The following PROB1 variants were observed in gnomAD, a reference collection of about 807,000 sequenced individuals.
PROB1 encodes the protein proline-rich basic protein 1.
For synonymous variants in PROB1, 660 were observed against 699.3 expected, an observed-to-expected ratio of 0.94 and a Z score of 0.89; for missense variants, 1,453 against 1,485.7, an observed-to-expected ratio of 0.98 and a Z score of 0.36.
rs1427652936 is a variant in PROB1, at chr5:139,394,893, C to G, written c.189G>C (p.Arg63=). 2 of 1,511,626 alleles carry G rather than the reference C, an allele frequency of 1.3e-6. No individual in the cohort carries two copies. Among genetic ancestry groups the G allele is most frequent in the African/African-American group, 1.5e-5 (1 of 68,710 alleles). The allele number at this position is 1,511,626 out of a possible 1,614,324, so 93.6% of individuals were successfully genotyped here. Residue 63 remains arginine, a synonymous_variant, in exon 1 of 1, where the codon CGG becomes CGC. Transcript: ENST00000434752. ...PANWPWVAPG[R]GAGAQPRLSV... is the part of the protein sequence containing the mutation. The stretch of plus-strand genomic sequence containing the variant: ...ACAGGCGAGGCTGCGCGCCCGCCCC[C>G]CGCCCAGGAGCCACCCAGGGCCAAT...
Position 139,392,175 on chromosome 5 carries a change from G to T in PROB1, c.2907C>A (p.Val969=). 7.1e-7 allele frequency: 1 copy of T among 1,408,040 alleles called. No homozygotes were observed. The highest frequency in any genetic ancestry group is 9.3e-7 in the Non-Finnish European group (1 of 1,075,810). 87.2% of individuals were successfully genotyped at this position (1,408,040 alleles called of 1,614,324 possible). A position where few individuals can be genotyped will look rare whatever the true frequency, so the allele number is the denominator to read the frequency against. Residue 969 remains valine, a synonymous_variant, in exon 1 of 1, where the codon GTC becomes GTA. Coordinates refer to ENST00000434752, the MANE Select transcript of PROB1 (RefSeq NM_001161546.2). This position sits in a 1 kb window ranked among gnomAD's most constrained non-coding sequence, Gnocchi z 5.8. ...TCCCGTCCAGGGGCCCTGCCTCAGA[G>T]ACCCAGGGTAGCTGGGGGCTGCCGA... is the stretch of plus-strand genomic sequence containing the variant. ...QALGSPQLPW[V]SEAGPLDGTY...
Position 139,392,433 on chromosome 5 carries a change from C to A in PROB1, c.2649G>T (p.Leu883Phe). The A allele has an allele frequency of 1.4e-6, 2 of 1,464,734 alleles. No homozygotes were observed. The highest frequency in any genetic ancestry group is 1.8e-6 in the Non-Finnish European group (2 of 1,109,424). 90.7% of individuals were successfully genotyped at this position (1,464,734 alleles called of 1,614,324 possible). A position where few individuals can be genotyped will look rare whatever the true frequency, so the allele number is the denominator to read the frequency against. The change falls in exon 1 of 1, where the codon TTG becomes TTT. Residue 883 changes from leucine (L) to phenylalanine (F), a missense_variant. Transcript: ENST00000434752. The surrounding 1 kb of genome is among the most constrained non-coding windows in gnomAD (Gnocchi z 5.8). ...AGTAGCGGCCGCTCTCGGGGTCCAC[C>A]AAGACCTTCCCCAGGGGCGCGGCCC... ...QPGAAPLGKVLVDPESGRYYF... is the reference protein window; with the variant it reads ...QPGAAPLGKVFVDPESGRYYF...
rs1195254139 is a variant in PROB1 at position 139,392,367 on chromosome 5, G to C, written c.2715C>G (p.Leu905=). 2.0e-6 allele frequency: 3 copies of C among 1,527,168 alleles called. No individual in the cohort carries two copies. The Admixed American group carries it at 6.1e-5, about 31-fold the overall frequency. 94.6% of individuals were successfully genotyped at this position (1,527,168 alleles called of 1,614,324 possible). A position where few individuals can be genotyped will look rare whatever the true frequency, so the allele number is the denominator to read the frequency against. ...EAPRQPRLRV[L]FDPESGQYVE... ...CGTACTGCCCACTCTCAGGGTCGAAGAGCACCCGCAGCCGAGGCTGCCGCG... is the reference window on the plus strand; with the variant it reads ...CGTACTGCCCACTCTCAGGGTCGAACAGCACCCGCAGCCGAGGCTGCCGCG... The change falls in exon 1 of 1, where the codon CTC becomes CTG. Residue 905 remains leucine (L), a synonymous_variant. Coordinates refer to ENST00000434752, the MANE Select transcript of PROB1 (RefSeq NM_001161546.2). This position sits in a 1 kb window ranked among gnomAD's most constrained non-coding sequence, Gnocchi z 5.8.
Position 139,394,141 on chromosome 5 carries a change from G to C in PROB1, c.941C>G (p.Pro314Arg). 1 of 1,546,118 alleles carries C rather than the reference G, an allele frequency of 6.5e-7. No individual in the cohort carries two copies. Among genetic ancestry groups the C allele is most frequent in the South Asian group, 1.2e-5 (1 of 83,844 alleles). Reference protein sequence around the residue: ...DNSAPAKAPRPWPSLRERAIR... With the variant: ...DNSAPAKAPRRWPSLRERAIR... ...CGCGCGCTCGCGGAGGCTGGGCCAC[G>C]GCCTCGGGGCCTTGGCGGGGGCCGA... is the stretch of plus-strand genomic sequence containing the variant. The change falls in exon 1 of 1, where the codon CCG (proline) becomes CGG (arginine). Residue 314 changes from proline (P) to arginine (R), a missense_variant. Physicochemically the swap from Pro to Arg is moderately radical, Grantham distance 103 (BLOSUM62 -2). Transcript: ENST00000434752.
rs1267436321 is a variant in PROB1 at position 139,394,162 on chromosome 5, G to A, written c.920C>T (p.Ala307Val). 1.9e-6 allele frequency: 3 copies of A among 1,546,134 alleles called. No individual in the cohort carries two copies. Among genetic ancestry groups the A allele is most frequent in the Admixed American group, 2.0e-5 (1 of 50,538 alleles). ...SRPLRVRDNS[A>V]PAKAPRPWPS... The stretch of plus-strand genomic sequence containing the variant: ...CCACGGCCTCGGGGCCTTGGCGGGG[G>A]CCGAATTATCTCGTACGCGAAGTGG... Residue 307 changes from alanine to valine, a missense_variant, in exon 1 of 1, where the codon GCC becomes GTC. Transcript: ENST00000434752.
Position 139,392,895 on chromosome 5 carries a change from C to T in PROB1, c.2187G>A (p.Lys729=). The T allele has an allele frequency of 6.5e-7, 1 of 1,543,944 alleles. No homozygotes were observed. The highest frequency in any genetic ancestry group is 8.7e-7 in the Non-Finnish European group (1 of 1,143,376). ...CCCCAGGCAGGCGGATCTCTGTGCG[C>T]TTGAAGGGCTTCGCCGTGCTGTTCT... ...RAENSTAKPF[K]RTEIRLPGAL... The change falls in exon 1 of 1, where the codon AAG becomes AAA. Residue 729 remains lysine, a synonymous_variant. Transcript: ENST00000434752. This position sits in a 1 kb window ranked among gnomAD's most constrained non-coding sequence, Gnocchi z 5.8.
At position 139,395,074 on chromosome 5, in the gene PROB1, G is replaced by C. The variant is rs910099731; in HGVS notation, c.8C>G (p.Thr3Ser). The C allele has an allele frequency of 7.1e-7, 1 of 1,405,288 alleles. No individual in the cohort carries two copies. Among genetic ancestry groups the C allele is most frequent in the African/African-American group, 1.5e-5 (1 of 65,254 alleles). 87.1% of individuals were successfully genotyped at this position (1,405,288 alleles called of 1,614,324 possible). ML[T>S]ALAPPALPGI... ...AGGCAGGGCTGGCGGGGCGAGCGCG[G>C]TCAGCATGGTGGGGCCGGACGCCGT... The change falls in exon 1 of 1, where the codon ACC becomes AGC. Residue 3 changes from threonine (T) to serine (S), a missense_variant. Transcript: ENST00000434752.
In PROB1 at chr5:139,393,087, C is replaced by A. The variant is rs1463268235; in HGVS notation, c.1995G>T (p.Thr665=). 1.2e-5 allele frequency: 18 copies of A among 1,524,780 alleles called. No individual in the cohort carries two copies. The highest frequency in any genetic ancestry group is 4.3e-5 in the Admixed American group (2 of 46,872). 94.5% of individuals were successfully genotyped at this position (1,524,780 alleles called of 1,614,324 possible). A position where few individuals can be genotyped will look rare whatever the true frequency, so the allele number is the denominator to read the frequency against. Residue 665 remains threonine, a synonymous_variant, in exon 1 of 1, where the codon ACG becomes ACT. Coordinates refer to ENST00000434752, the MANE Select transcript of PROB1 (RefSeq NM_001161546.2). ...GGGGCCCCAGTGCTGGCGGCTCTTG[C>A]GTCTTGGATTCGCCGCCCTCCTCCC... is the stretch of plus-strand genomic sequence containing the variant. The part of the protein sequence containing the change: ...PCGEEGGESK[T]QEPPALGPPA...
Position 139,394,493 on chromosome 5 carries a change from C to T in PROB1, c.589G>A (p.Ala197Thr). Reference protein sequence around the residue: ...ECVEVALEEGAAPARPRTVPK... With the variant: ...ECVEVALEEGTAPARPRTVPK... ...ACTGTCCGGGGCCTGGCGGGCGCGG[C>T]GCCCTCCTCCAGAGCCACCTCCACA... Residue 197 changes from alanine (A) to threonine (T), a missense_variant, in exon 1 of 1, where the codon GCC (alanine) becomes ACC (threonine). Transcript: ENST00000434752. The T allele has an allele frequency of 7.0e-7, 1 of 1,422,590 alleles. No homozygotes were observed. The allele number at this position is 1,422,590 out of a possible 1,614,324, so 88.1% of individuals were successfully genotyped here.
chr5:139,394,979 A>G lies in PROB1; in HGVS notation c.103T>C (p.Tyr35His). ...QDSSGSSGSY[Y>H]TAPGSPEPPD... ...GGCTCCGGAGAACCTGGAGCCGTGTAGTAGGAGCCTGACGAACCGGAGGAG... is the reference window on the plus strand; with the variant it reads ...GGCTCCGGAGAACCTGGAGCCGTGTGGTAGGAGCCTGACGAACCGGAGGAG... The change falls in exon 1 of 1, where the codon TAC (tyrosine) becomes CAC (histidine). Residue 35 changes from tyrosine to histidine, a missense_variant. Coordinates refer to ENST00000434752, the MANE Select transcript of PROB1 (RefSeq NM_001161546.2). 2 of 1,510,580 alleles carry G rather than the reference A, an allele frequency of 1.3e-6. No homozygotes were observed. Among genetic ancestry groups the G allele is most frequent in the Non-Finnish European group, 1.8e-6 (2 of 1,131,588 alleles). The allele number at this position is 1,510,580 out of a possible 1,614,324, so 93.6% of individuals were successfully genotyped here. A position where few individuals can be genotyped will look rare whatever the true frequency, so the allele number is the denominator to read the frequency against.
chr5:139,394,690 G>A lies in PROB1; in HGVS notation c.392C>T (p.Ala131Val). Residue 131 changes from alanine to valine, a missense_variant, in exon 1 of 1, where the codon GCG becomes GTG. By Grantham distance (64) the Ala-to-Val change is moderately conservative. Coordinates refer to ENST00000434752, the MANE Select transcript of PROB1 (RefSeq NM_001161546.2). ...FGCSGADDRE[A>V]QQQFTEPAFI... Reference sequence around the variant, plus strand: ...GGCCGGCTCCGTGAACTGTTGTTGCGCCTCGCGATCGTCTGCGCCGGAGCA... The same window carrying A: ...GGCCGGCTCCGTGAACTGTTGTTGCACCTCGCGATCGTCTGCGCCGGAGCA... 1.3e-6 allele frequency: 2 copies of A among 1,533,900 alleles called. No individual in the cohort carries two copies. Among genetic ancestry groups the A allele is most frequent in the African/African-American group, 1.4e-5 (1 of 72,008 alleles).
Position 139,394,931 on chromosome 5 carries a change from T to C in PROB1, c.151A>G (p.Lys51Glu), listed in dbSNP as rs2152077182. The C allele has an allele frequency of 1.3e-6, 2 of 1,520,294 alleles. No individual in the cohort carries two copies. Among genetic ancestry groups the C allele is most frequent in the Non-Finnish European group, 8.8e-7 (1 of 1,135,366 alleles). The allele number at this position is 1,520,294 out of a possible 1,614,324, so 94.2% of individuals were successfully genotyped here. A position where few individuals can be genotyped will look rare whatever the true frequency, so the allele number is the denominator to read the frequency against. Residue 51 changes from lysine to glutamate, a missense_variant, in exon 1 of 1, where the codon AAA becomes GAA. Transcript: ENST00000434752. The stretch of plus-strand genomic sequence containing the variant: ...ACCCAGGGCCAATTCGCTGGGCCTT[T>C]CGCGTCCGGCCCAACGTCCGGGGGC... ...PEPPDVGPDA[K>E]GPANWPWVAP...
rs756113832 is a variant in PROB1, at chr5:139,392,711, C to A, written c.2371G>T (p.Val791Leu). The A allele has an allele frequency of 5.4e-4, 754 of 1,407,718 alleles. No homozygotes were observed. Among genetic ancestry groups the A allele is most frequent in the Non-Finnish European group, 6.5e-4 (704 of 1,081,022 alleles). The allele number at this position is 1,407,718 out of a possible 1,614,324, so 87.2% of individuals were successfully genotyped here. A position where few individuals can be genotyped will look rare whatever the true frequency, so the allele number is the denominator to read the frequency against. The change falls in exon 1 of 1, where the codon GTA (valine) becomes TTA (leucine). Residue 791 changes from valine (V) to leucine (L), a missense_variant. Val to Leu is a conservative substitution (Grantham distance 32). Coordinates refer to ENST00000434752, the MANE Select transcript of PROB1 (RefSeq NM_001161546.2). This position sits in a 1 kb window ranked among gnomAD's most constrained non-coding sequence, Gnocchi z 5.8. ...GGCGATCGGACCCCTGCTGGCCCTA[C>A]GGGGGAGCGCTGGGATGAGCTGCGG... ...GARSSSQRSP[V>L]GPAGVRSPRP...
chr5:139,393,606 T>G lies in PROB1; in HGVS notation c.1476A>C (p.Pro492=), dbSNP rs896542465. 7 of 1,547,360 alleles carry G rather than the reference T, an allele frequency of 4.5e-6. No homozygotes were observed. In the African/African-American group the frequency reaches 9.7e-5, roughly 22 times the overall value. The change falls in exon 1 of 1, where the codon CCA becomes CCC. Residue 492 remains proline, a synonymous_variant. Coordinates refer to ENST00000434752, the MANE Select transcript of PROB1 (RefSeq NM_001161546.2). The part of the protein sequence containing the change: ...PHSAVADAVE[P]RSSPSPPAFF... ...AGGCCGGCGGGGACGGGCTGCTACG[T>G]GGCTCCACCGCATCCGCGACTGCCG... is the stretch of plus-strand genomic sequence containing the variant.
chr5:139,393,312 G>A lies in PROB1; in HGVS notation c.1770C>T (p.Pro590=). 6.4e-7 allele frequency: 1 copy of A among 1,550,766 alleles called. No individual in the cohort carries two copies. Among genetic ancestry groups the A allele is most frequent in the African/African-American group, 1.4e-5 (1 of 73,182 alleles). ...CCAGGGTGCCCACAGGGTGGCTGCC[G>A]GGCGGCTCGGGTGCTGCTACCTCTG... ...QSPEVAAPEP[P]GSHPVGTLDA... The change falls in exon 1 of 1, where the codon CCC becomes CCT. Residue 590 remains proline (P), a synonymous_variant. Transcript: ENST00000434752.
rs1758639672 is a variant in PROB1 at position 139,393,685 on chromosome 5, G to C, written c.1397C>G (p.Ala466Gly). 6.4e-7 allele frequency: 1 copy of C among 1,550,742 alleles called. No homozygotes were observed. Among genetic ancestry groups the C allele is most frequent in the Admixed American group, 2.0e-5 (1 of 50,954 alleles). The change falls in exon 1 of 1, where the codon GCT becomes GGT. Residue 466 changes from alanine (A) to glycine (G), a missense_variant. Physicochemically the swap from Ala to Gly is moderately conservative, Grantham distance 60 (BLOSUM62 0). Transcript: ENST00000434752. Reference protein sequence around the residue: ...PILSQWNQCVAGERSPSLEAP... With the variant: ...PILSQWNQCVGGERSPSLEAP... ...TTCGAGGGACGGGCTCCTTTCCCCA[G>C]CAACACACTGATTCCACTGGGAAAG...
chr5:139,394,916 A>T lies in PROB1; in HGVS notation c.166T>A (p.Trp56Arg). Residue 56 changes from tryptophan to arginine, a missense_variant, in exon 1 of 1, where the codon TGG becomes AGG. By Grantham distance (101) the Trp-to-Arg change is moderately radical. Transcript: ENST00000434752. ...CCCCGCCCAGGAGCCACCCAGGGCC[A>T]ATTCGCTGGGCCTTTCGCGTCCGGC... ...VGPDAKGPAN[W>R]PWVAPGRGAG... 6.6e-7 allele frequency: 1 copy of T among 1,518,764 alleles called. No homozygotes were observed. The highest frequency in any genetic ancestry group is 8.8e-7 in the Non-Finnish European group (1 of 1,134,566). 94.1% of individuals were successfully genotyped at this position (1,518,764 alleles called of 1,614,324 possible).
Position 139,392,438 on chromosome 5 carries a change from C to A in PROB1, c.2644G>T (p.Val882Phe). 6.9e-7 allele frequency: 1 copy of A among 1,458,988 alleles called. No homozygotes were observed. Among genetic ancestry groups the A allele is most frequent in the Non-Finnish European group, 9.0e-7 (1 of 1,106,674 alleles). 90.4% of individuals were successfully genotyped at this position (1,458,988 alleles called of 1,614,324 possible). A position where few individuals can be genotyped will look rare whatever the true frequency, so the allele number is the denominator to read the frequency against. Residue 882 changes from valine to phenylalanine, a missense_variant, in exon 1 of 1, where the codon GTC (valine) becomes TTC (phenylalanine). Val to Phe is a conservative substitution (Grantham distance 50). Transcript: ENST00000434752. The surrounding 1 kb of genome is among the most constrained non-coding windows in gnomAD (Gnocchi z 5.8). ...CGGCCGCTCTCGGGGTCCACCAAGA[C>A]CTTCCCCAGGGGCGCGGCCCCGGGC... ...RQPGAAPLGKVLVDPESGRYY... is the reference protein window; with the variant it reads ...RQPGAAPLGKFLVDPESGRYY...
rs1758658234 is a variant in PROB1, at chr5:139,394,409, C to T, written c.673G>A (p.Ala225Thr). 1 of 1,388,382 alleles carries T rather than the reference C, an allele frequency of 7.2e-7. No homozygotes were observed. The allele number at this position is 1,388,382 out of a possible 1,614,324, so 86.0% of individuals were successfully genotyped here. A position where few individuals can be genotyped will look rare whatever the true frequency, so the allele number is the denominator to read the frequency against. The change falls in exon 1 of 1, where the codon GCG becomes ACG. Residue 225 changes from alanine (A) to threonine (T), a missense_variant. By Grantham distance (58) the Ala-to-Thr change is moderately conservative (BLOSUM62 0). Coordinates refer to ENST00000434752, the MANE Select transcript of PROB1 (RefSeq NM_001161546.2). ...CGCAGGAGCAGCCGGGGGCGCGGCG[C>T]GCCGGCCGCCCTTGGGGGACTCTGG... ...RPQSPPRAAGAPRPRLLLRTG... is the reference protein window; with the variant it reads ...RPQSPPRAAGTPRPRLLLRTG...
Sources: gnomAD v4.1 joint callset for allele counts on GRCh38, gnomAD v4.1.1 for gene constraint, Gnocchi (gnomAD v3.1) non-coding constraint, MANE v1.5 for transcripts, NCBI Gene and HGNC (gene_info 2026-07-23, HGNC 2026-07-21) for gene names.